NDUFA3: variants seen among roughly 807,000 people sequenced by gnomAD.
The protein encoded by NDUFA3 is NADH dehydrogenase [ubiquinone] 1 alpha subcomplex subunit 3.
A neutral mutation model predicts 11.4 loss-of-function variants in NDUFA3; 10 were observed. The observed-to-expected ratio is 0.87, with a 90% CI of 0.54 to 1.48. The LOEUF (loss-of-function observed/expected upper bound fraction) is 1.48, where lower values mean the gene tolerates loss of function less well. Among genes scored for constraint, NDUFA3 ranks in the 40% most tolerant of loss-of-function variants. The pLI, the probability that NDUFA3 is intolerant of heterozygous loss-of-function variation, is 0.00. For synonymous variants in NDUFA3, 39 were observed against 46.9 expected (o/e 0.83, Z 0.68); for missense variants, 115 against 110.5 (o/e 1.04, Z -0.18).
chr19:54,106,755 T>C, intron 3 of NDUFA3, 56 bp from the exon 4 acceptor site: 2 of 1,425,502 alleles, frequency 1.4e-6, no homozygotes, highest in South Asian at 1.3e-5. Context: ...GACCAGCTCT[T>C]CTCTCCAGGG....
At position 54,105,268 on chromosome 19, in the gene NDUFA3, T is replaced by A. The variant is rs1295609837; in HGVS notation, c.86-666T>A. On this transcript the variant is annotated intron_variant, in intron 2 of 3. Transcript: ENST00000485876. The stretch of plus-strand genomic sequence containing the variant: ...TTTCTCCTCCAGTTTGTAAGGCTTT[T>A]TTTTTTTTTTTTTTTTTGGTGATGG... Among the ~76,000 whole-genome samples the A allele has an allele frequency of 3.1e-4, 40 of 127,328 alleles. 1 individual carries two copies. The highest frequency in any genetic ancestry group is 6.3e-4 in the Admixed American group (8 of 12,646). The allele number at this position is 127,328 out of a possible 152,430, so 83.5% of individuals were successfully genotyped here.
At chr19:54,106,260 G>A (rs8100006) in intron 3 of NDUFA3, 260,467 of 517,620 alleles carry the variant, frequency 0.5, 66,296 homozygotes, top group Non-Finnish European at 0.54. Context: ...GTGCAGTGGC[G>A]CGATCTCAGC....
chr19:54,106,712 G>T (rs1348975946), intron 3 of NDUFA3, 99 bp from the exon 4 acceptor site: 2 of 990,592 alleles, frequency 2.0e-6, no homozygotes, highest in Non-Finnish European at 2.9e-6. Context: ...TCACCCCTGG[G>T]GTCCCCCTTC....
At chr19:54,106,429 A>G (rs888983104) in intron 3 of NDUFA3, 30 of 329,726 alleles carry the variant, frequency 9.1e-5, no homozygotes, top group African/African-American at 6.5e-4. Context: ...TCGGCCTCCC[A>G]AAGTGCTGGG....
chr19:54,106,156 G>T (rs1448045926), intron 3 of NDUFA3, 145 bp downstream of exon 3: 1 of 734,928 alleles, frequency 1.4e-6, no homozygotes, highest in Non-Finnish European at 2.3e-6. Flanking sequence ...TTTAAGAATT[G>T]AGATATAATT....
At chr19:54,105,872 C>T in intron 2 of NDUFA3, 62 bp from the exon 3 acceptor site, 5 of 1,440,960 alleles carry the variant, frequency 3.5e-6, no homozygotes, top group African/African-American at 1.4e-5. Context: ...CAAGGCTCAC[C>T]TTCTCTTCCC....
chr19:54,104,730 T>TC (rs2073204256), intron 2 of NDUFA3, among the ~76,000 whole-genome samples: 1 of 113,884 alleles, frequency 8.8e-6, no homozygotes. Flanking sequence ...GTACTATGGT[T>TC]TTTTTTGTTT....
At chr19:54,105,263 G>GATTTTTTT (rs1201834834) in intron 2 of NDUFA3, among the ~76,000 whole-genome samples, 26 of 38,986 alleles carry the variant, frequency 6.7e-4, no homozygotes, top group South Asian at 2.3e-3. Context: ...AGTTTGTAAG[G>GATTTTTTT]CTTTTTTTTT....
At chr19:54,105,698 G>T in intron 2 of NDUFA3, 2 of 689,068 alleles carry the variant, frequency 2.9e-6, no homozygotes, top group South Asian at 3.1e-5. Flanking sequence ...CAGGCCCCAC[G>T]TATCTGTGAG....
intron 2 of NDUFA3, among the ~76,000 whole-genome samples, chr19:54,105,430 G>C (rs1307715882): frequency 2.0e-5 from 3 of 151,478 alleles, no homozygotes; most frequent in African/African-American, 7.3e-5. Flanking sequence ...CACCACGCCC[G>C]GCTAATTTTC....
At position 54,107,233 on chromosome 19, in the gene NDUFA3, C is replaced by T; in HGVS notation, c.*331C>T. The T allele has an allele frequency of 6.4e-7, 1 of 1,574,494 alleles. No homozygotes were observed. On this transcript the variant is annotated 3_prime_UTR_variant, in exon 4 of 4. Transcript: ENST00000485876. The stretch of plus-strand genomic sequence containing the variant: ...AATCTAGAAAATCCCATCAGCTTCA[C>T]CATTTTTGTTTTCATTTTGTTTTGC...
At chr19:54,102,955 C>T in intron 1 of NDUFA3, 67 bp downstream of exon 1, 3 of 1,585,634 alleles carry the variant, frequency 1.9e-6, no homozygotes, top group Non-Finnish European at 1.7e-6. Context: ...GGTCCTGGGA[C>T]TGAGGTGCGG....
chr19:54,102,929 C>G (rs749447805), intron 1 of NDUFA3, 41 bp downstream of exon 1: 1 of 1,602,616 alleles, frequency 6.2e-7, no homozygotes, highest in Admixed American at 1.7e-5. Flanking sequence ...TCGGGTAGTT[C>G]TGGGAACCTC....
In NDUFA3 at chr19:54,107,235, A is replaced by T; in HGVS notation, c.*333A>T. On this transcript the variant is annotated 3_prime_UTR_variant, in exon 4 of 4. Coordinates refer to ENST00000485876, the MANE Select transcript of NDUFA3 (RefSeq NM_004542.4). Reference sequence around the variant, plus strand: ...TCTAGAAAATCCCATCAGCTTCACCATTTTTGTTTTCATTTTGTTTTGCTT... The same window carrying T: ...TCTAGAAAATCCCATCAGCTTCACCTTTTTTGTTTTCATTTTGTTTTGCTT... The T allele has an allele frequency of 6.4e-7, 1 of 1,573,666 alleles. No homozygotes were observed.
chr19:54,103,880 C>T (rs2073171574), intron 2 of NDUFA3, among the ~76,000 whole-genome samples: 1 of 151,988 alleles, frequency 6.6e-6, no homozygotes, highest in Non-Finnish European at 1.5e-5. Context: ...GTCGCCCAGG[C>T]TGGAGTGCAG....
At position 54,107,000 on chromosome 19, in the gene NDUFA3, C is replaced by A. The variant is rs762283122; in HGVS notation, c.*98C>A. 1 of 1,606,330 alleles carries A rather than the reference C, an allele frequency of 6.2e-7. No individual in the cohort carries two copies. The highest frequency in any genetic ancestry group is 1.1e-5 in the South Asian group (1 of 90,664). On this transcript the variant is annotated 3_prime_UTR_variant, in exon 4 of 4. Transcript: ENST00000485876. ...GCATGTGTGTGATCAGAGGTGGGAA[C>A]AAGTAGACGGTGGCCGGGGTGAGTG...
intron 2 of NDUFA3, among the ~76,000 whole-genome samples, chr19:54,104,135 C>CTTTT (rs58827171): frequency 3.4e-5 from 3 of 88,626 alleles, no homozygotes; most frequent in African/African-American, 4.7e-5. Flanking sequence ...GCCCGGCCAG[C>CTTTT]TTTTTTTTTT....
In NDUFA3 at chr19:54,107,037, T is replaced by A. The variant is rs375529930; in HGVS notation, c.*135T>A. The A allele has an allele frequency of 2.5e-6, 4 of 1,612,776 alleles. No homozygotes were observed. The African/African-American group carries it at 5.4e-5, about 22-fold the overall frequency. On this transcript the variant is annotated 3_prime_UTR_variant, in exon 4 of 4. Transcript: ENST00000485876. ...GGCCGGGGTGAGTGTGGGGTCAGTT[T>A]ATTGGGCATGCGTCAGTCAGAGGCT...
rs758907808 is a variant in NDUFA3, at chr19:54,106,805, C to T, written c.164-6C>T. 5 of 1,607,754 alleles carry T rather than the reference C, an allele frequency of 3.1e-6. No homozygotes were observed. The Middle Eastern group carries it at 5.0e-4, about 160-fold the overall frequency. ...TGGTCTCAGTGGCCCACCTCCTGCC[C>T]CACAGTGCCCGTCCGTGATGATGGG... On this transcript the variant is annotated splice_polypyrimidine_tract_variant and splice_region_variant and intron_variant, in intron 3 of 3. Coordinates refer to ENST00000485876, the MANE Select transcript of NDUFA3 (RefSeq NM_004542.4).
Sources: gnomAD v4.1 joint callset for allele counts (sites outside exome capture counted in the v4.1 genomes callset) on GRCh38, gnomAD v4.1.1 for gene constraint, MANE v1.5 for transcripts, NCBI Gene and HGNC (gene_info 2026-07-23, HGNC 2026-07-21) for gene names.